Variants in SEMA3A observed in about 807,000 individuals in gnomAD.
SEMA3A encodes the protein semaphorin-3A.
SEMA3A carries 29 observed loss-of-function variants against 97.9 expected under a neutral mutation model. The ratio of observed to expected loss-of-function variants is 0.30; its 90% CI spans 0.22 to 0.40. SEMA3A has a LOEUF of 0.40. Among genes scored for constraint, SEMA3A ranks in the 10% least tolerant of loss-of-function variants. The probability of loss-of-function intolerance (pLI) is 1.00; values close to 1 mark genes in which losing one functional copy is unlikely to be tolerated. For synonymous variants in SEMA3A, 321 were observed against 323.7 expected, an observed-to-expected ratio of 0.99 and a Z score of 0.09; for missense variants, 763 against 951.3, an observed-to-expected ratio of 0.80 and a Z score of 2.60.
intron 6 of SEMA3A, 75 bp from the exon 7 acceptor site, chr7:84,014,426 C>CT (rs1285742716): frequency 5.3e-5 from 59 of 1,118,128 alleles, no homozygotes; most frequent in South Asian, 7.6e-5. Flanking sequence ...TCCATTTTTA[C>CT]TTTTTTTAAC....
chr7:84,024,127 A>C (rs1233742547), intron 6 of SEMA3A, among the ~76,000 whole-genome samples: 1 of 152,238 alleles, frequency 6.6e-6, no homozygotes, highest in Admixed American at 6.5e-5. Context: ...TTCAGAAAGC[A>C]ACATAAAAAG....
At chr7:84,082,829 TGTC>T (rs958443034) in intron 4 of SEMA3A, among the ~76,000 whole-genome samples, 1 of 151,996 alleles carries the variant, frequency 6.6e-6, no homozygotes, top group Non-Finnish European at 1.5e-5. Flanking sequence ...ATATTGCAGA[TGTC>T]ATCATCTCAG....
intron 2 of SEMA3A, among the ~76,000 whole-genome samples, chr7:84,354,068 G>A (rs1802498936): frequency 6.6e-6 from 1 of 151,522 alleles, no homozygotes; most frequent in Admixed American, 6.6e-5. Flanking sequence ...TCATATTTTA[G>A]CTGAAAGTAA....
chr7:84,227,921 G>T (rs1799027253), intron 3 of SEMA3A, among the ~76,000 whole-genome samples: 1 of 151,916 alleles, frequency 6.6e-6, no homozygotes, highest in Admixed American at 6.6e-5. Context: ...GCGTGTGTGT[G>T]TCAGGGAGTG....
At chr7:84,203,239 G>A (rs948596090) in intron 3 of SEMA3A, among the ~76,000 whole-genome samples, 4 of 151,596 alleles carry the variant, frequency 2.6e-5, no homozygotes, top group Admixed American at 6.6e-5. Context: ...ATGTTTCTAC[G>A]GTGTTGAGTG....
intron 3 of SEMA3A, among the ~76,000 whole-genome samples, chr7:84,246,442 A>ACTGTT (rs1799478744): frequency 6.6e-6 from 1 of 152,226 alleles, no homozygotes. Flanking sequence ...TTTGCTAAAG[A>ACTGTT]CATTAAAAAG....
intron 1 of SEMA3A, among the ~76,000 whole-genome samples, chr7:84,417,167 T>C (rs1338632413): frequency 2.0e-5 from 3 of 152,090 alleles, no homozygotes; most frequent in African/African-American, 4.8e-5. Flanking sequence ...CATTACTATA[T>C]TGTGATTTAA....
At chr7:84,353,744 A>AT (rs1035902652) in intron 2 of SEMA3A, among the ~76,000 whole-genome samples, 2 of 151,726 alleles carry the variant, frequency 1.3e-5, no homozygotes, top group African/African-American at 4.8e-5. Flanking sequence ...CTTTTATTCC[A>AT]TAGTATATTT....
chr7:84,467,525 TAAAAAAAAAAAAA>T (rs56021863), intron 1 of SEMA3A, among the ~76,000 whole-genome samples: 1,163 of 97,430 alleles, frequency 0.012, 18 homozygotes, highest in African/African-American at 0.043. Context: ...AGACTCCTTC[TAAAAAAAAAAAAA>T]AAAAAAAAAA....
chr7:84,240,804 GTC>G (rs1319794761), intron 3 of SEMA3A, among the ~76,000 whole-genome samples: 3 of 152,106 alleles, frequency 2.0e-5, no homozygotes, highest in Non-Finnish European at 4.4e-5. Flanking sequence ...CCCTCCCTGG[GTC>G]CATGTGTTCT....
intron 2 of SEMA3A, among the ~76,000 whole-genome samples, chr7:84,309,826 G>T (rs1301506743): frequency 6.6e-6 from 1 of 152,068 alleles, no homozygotes; most frequent in Non-Finnish European, 1.5e-5. Context: ...AAGACCCTGA[G>T]GCAAGATCAT....
chr7:84,445,079 A>T (rs1367777288), intron 1 of SEMA3A, among the ~76,000 whole-genome samples: 1 of 151,920 alleles, frequency 6.6e-6, no homozygotes, highest in African/African-American at 2.4e-5. Flanking sequence ...AATTAATATA[A>T]TTTTTTTCTG....
At chr7:84,119,848 A>G (rs889913459) in intron 3 of SEMA3A, among the ~76,000 whole-genome samples, 12 of 152,164 alleles carry the variant, frequency 7.9e-5, no homozygotes, top group Non-Finnish European at 1.6e-4. Context: ...TCAAATCATG[A>G]TAATAAACCT....
chr7:84,454,313 GT>G (rs1253796224), intron 1 of SEMA3A, among the ~76,000 whole-genome samples: 7 of 152,106 alleles, frequency 4.6e-5, no homozygotes, highest in Non-Finnish European at 1.0e-4. Context: ...CTGTGAAACA[GT>G]AAGACATACA....
chr7:83,977,810 T>C (rs1190604002), intron 14 of SEMA3A, among the ~76,000 whole-genome samples: 1 of 147,322 alleles, frequency 6.8e-6, no homozygotes, highest in African/African-American at 2.5e-5. Flanking sequence ...CTTTCTTTCT[T>C]TTTTTTTTTT....
At chr7:84,304,028 A>G (rs563951222) in intron 3 of SEMA3A, among the ~76,000 whole-genome samples, 1 of 152,226 alleles carries the variant, frequency 6.6e-6, no homozygotes, top group South Asian at 2.1e-4. Context: ...TCCATACCAA[A>G]GGTTCTTATT....
intron 1 of SEMA3A, among the ~76,000 whole-genome samples, chr7:84,183,705 T>A (rs1797796459): frequency 6.6e-6 from 1 of 152,102 alleles, no homozygotes; most frequent in African/African-American, 2.4e-5. Flanking sequence ...ATTTTGCACA[T>A]TCCAAGAAAG....
In SEMA3A at chr7:84,347,506, G is replaced by A. The variant is rs1802331334; in HGVS notation, c.-169+24318C>T. 3.3e-5 allele frequency among the ~76,000 whole-genome samples: 5 copies of A among 151,542 alleles called. No homozygotes were observed. In the South Asian group the frequency reaches 1.0e-3, roughly 32 times the overall value. ...AGCTCATTGCAACCTCTGCCTCCCGGGTTCAAGTAATTCTCCTGCCTCAGC... is the reference window on the plus strand; with the variant it reads ...AGCTCATTGCAACCTCTGCCTCCCGAGTTCAAGTAATTCTCCTGCCTCAGC... On this transcript the variant is annotated intron_variant, in intron 2 of 3. Transcript: ENST00000424555.
chr7:84,149,649 T>G (rs2116108865), intron 1 of SEMA3A, among the ~76,000 whole-genome samples: 1 of 152,328 alleles, frequency 6.6e-6, no homozygotes, highest in African/African-American at 2.4e-5. Flanking sequence ...CTCATTAAAC[T>G]TACTTCTCTA....
Sources: allele counts gnomAD v4.1 joint callset (sites outside exome capture counted in the v4.1 genomes callset), GRCh38; gene constraint gnomAD v4.1.1; transcripts MANE v1.5; gene names NCBI Gene and HGNC (gene_info 2026-07-23, HGNC 2026-07-21).